Variants in DOCK11 observed in about 807,000 individuals in gnomAD.
DOCK11 encodes dedicator of cytokinesis protein 11.
DOCK11 carries 70 observed loss-of-function variants against 169.1 expected under a neutral mutation model. That is an observed-to-expected ratio of 0.41 (90% CI 0.34 to 0.51). DOCK11 has a LOEUF of 0.51. Among genes scored for constraint, DOCK11 ranks in the 20% least tolerant of loss-of-function variants. The pLI, the probability that DOCK11 is intolerant of heterozygous loss-of-function variation, is 0.10. For synonymous variants in DOCK11, 529 were observed against 541.3 expected (o/e 0.98, Z 0.32); for missense variants, 1,166 against 1,538.8 (o/e 0.76, Z 4.05).
intron 6 of DOCK11, among the ~76,000 whole-genome samples, chrX:118,554,604 A>G (rs1300013471): frequency 1.8e-5 from 2 of 111,637 alleles, no homozygotes; most frequent in Non-Finnish European, 3.8e-5. Context: ...GACACACAAT[A>G]AAAATAATTG....
intron 1 of DOCK11, among the ~76,000 whole-genome samples, chrX:118,511,934 G>A (rs927781684): frequency 3.6e-5 from 4 of 112,291 alleles, no homozygotes; most frequent in Non-Finnish European, 7.5e-5. Flanking sequence ...TATTTTTTGA[G>A]AAGGAGTCTC....
chrX:118,647,418 C>T (rs1433421966), intron 40 of DOCK11, among the ~76,000 whole-genome samples: 1 of 91,253 alleles, frequency 1.1e-5, no homozygotes, highest in Non-Finnish European at 2.1e-5. Context: ...TGTATTATGG[C>T]GGTGCAAAAG....
In DOCK11 at chrX:118,573,852, A is replaced by G. The variant is rs2013359249; in HGVS notation, c.1223A>G (p.Asn408Ser). 1 of 1,210,761 alleles carries G rather than the reference A, an allele frequency of 8.3e-7. No homozygotes were observed. The highest frequency in any genetic ancestry group is 1.1e-6 in the Non-Finnish European group (1 of 895,151). The change falls in exon 12 of 53, where the codon AAT becomes AGT. Residue 408 changes from asparagine (N) to serine (S), a missense_variant. Physicochemically the swap from Asn to Ser is conservative, Grantham distance 46 (BLOSUM62 1). Coordinates refer to ENST00000276202, the MANE Select transcript of DOCK11 (RefSeq NM_144658.4). Reference sequence around the variant, plus strand: ...CTTGCCTTATTTGATGTAAAGAACAATTGTAAGATTTCAGCAGACTTTCAT... The same window carrying G: ...CTTGCCTTATTTGATGTAAAGAACAGTTGTAAGATTTCAGCAGACTTTCAT... ...INLALFDVKN[N>S]CKISADFHVD...
chrX:118,529,108 G>T (rs778682506), intron 1 of DOCK11, among the ~76,000 whole-genome samples: 1 of 109,132 alleles, frequency 9.2e-6, no homozygotes, highest in South Asian at 4.0e-4. Context: ...AGCCTCCCAA[G>T]TAGCTGGGAC....
intron 19 of DOCK11, among the ~76,000 whole-genome samples, chrX:118,591,755 T>C (rs1190396807): frequency 1.2e-5 from 1 of 86,586 alleles, no homozygotes; most frequent in African/African-American, 3.8e-5. Context: ...TAGCATTAGG[T>C]ATATCTCCTA....
At position 118,643,448 on chromosome X, in the gene DOCK11, G is replaced by A; in HGVS notation, c.4261-9G>A. ...TGGGGCATAAACCATATTTTTTAAT[G>A]TTTTATAGACCCAACTTTTAAATAA... On this transcript the variant is annotated splice_polypyrimidine_tract_variant and intron_variant, in intron 39 of 52. Coordinates refer to ENST00000276202, the MANE Select transcript of DOCK11 (RefSeq NM_144658.4). 1.7e-6 allele frequency: 2 copies of A among 1,201,131 alleles called. No individual in the cohort carries two copies. The highest frequency in any genetic ancestry group is 2.2e-6 in the Non-Finnish European group (2 of 890,161).
chrX:118,638,161 C>T (rs2015439618), intron 37 of DOCK11, 34 bp downstream of exon 37: 1 of 1,170,233 alleles, frequency 8.5e-7, no homozygotes, highest in Non-Finnish European at 1.2e-6. Context: ...TCTACTTTTT[C>T]CTTCTCTTCC....
At chrX:118,527,547 C>G (rs1208192667) in intron 1 of DOCK11, among the ~76,000 whole-genome samples, 1 of 111,619 alleles carries the variant, frequency 9.0e-6, no homozygotes, top group East Asian at 2.8e-4. Context: ...CAGTATGAAT[C>G]CATTTTGGAA....
At chrX:118,587,061 T>A (rs1391347870) in intron 16 of DOCK11, among the ~76,000 whole-genome samples, 3 of 112,166 alleles carry the variant, frequency 2.7e-5, no homozygotes, top group Non-Finnish European at 5.6e-5. Flanking sequence ...TCCATAAAGA[T>A]GTTCTTTGCA....
At chrX:118,543,372 A>C (rs2012104817) in intron 3 of DOCK11, 139 bp from the exon 4 acceptor site, 3 of 468,953 alleles carry the variant, frequency 6.4e-6, no homozygotes. Flanking sequence ...AGACACAGTT[A>C]ACCCATAAAG....
chrX:118,650,428 A>G lies in DOCK11; in HGVS notation c.4581+1301A>G, dbSNP rs145159915. Among the ~76,000 whole-genome samples the G allele has an allele frequency of 5.4e-5, 6 of 111,920 alleles. No individual in the cohort carries two copies. The East Asian group carries it at 1.7e-3, about 31-fold the overall frequency. On this transcript the variant is annotated intron_variant, in intron 41 of 52. Transcript: ENST00000276202. ...ATATGGGAAATCCTTGGTCCTATTT[A>G]TATCTTTACTGTCATGGTCTGTCCC...
At position 118,610,408 on chromosome X, in the gene DOCK11, G is replaced by C. The variant is rs1313792392; in HGVS notation, c.3086G>C (p.Ser1029Thr). ...AGAAATGTGAACTATAGTTTGGCTAGCTTCCTGAAGGTGAGTTCAAGGCAG... is the reference window on the plus strand; with the variant it reads ...AGAAATGTGAACTATAGTTTGGCTACCTTCCTGAAGGTGAGTTCAAGGCAG... Reference protein sequence around the residue: ...ESRNVNYSLASFLKRCLTLMD... With the variant: ...ESRNVNYSLATFLKRCLTLMD... Residue 1029 changes from serine (S) to threonine (T), a missense_variant, in exon 28 of 53, where the codon AGC (serine) becomes ACC (threonine). By Grantham distance (58) the Ser-to-Thr change is moderately conservative (BLOSUM62 1). Transcript: ENST00000276202. 8.3e-7 allele frequency: 1 copy of C among 1,210,593 alleles called. No homozygotes were observed. Among genetic ancestry groups the C allele is most frequent in the Non-Finnish European group, 1.1e-6 (1 of 895,126 alleles).
At chrX:118,551,620 C>T (rs2012496114) in intron 6 of DOCK11, among the ~76,000 whole-genome samples, 1 of 110,267 alleles carries the variant, frequency 9.1e-6, no homozygotes, top group Non-Finnish European at 1.9e-5. Flanking sequence ...ATCGCTTGAG[C>T]CTGGGAGGTC....
chrX:118,681,785 A>G lies in DOCK11; in HGVS notation c.5954A>G (p.Asp1985Gly), dbSNP rs1268659482. 2 of 1,196,831 alleles carry G rather than the reference A, an allele frequency of 1.7e-6. No homozygotes were observed. Among genetic ancestry groups the G allele is most frequent in the Non-Finnish European group, 2.3e-6 (2 of 887,596 alleles). ...YPPKKVSELK[D>G]MFRKFIQACS... is the part of the protein sequence containing the mutation. Reference sequence around the variant, plus strand: ...CCTAAGAAAGTGAGTGAGTTGAAAGACATGTTTAGGTAAGTGTTTTATAGT... The same window carrying G: ...CCTAAGAAAGTGAGTGAGTTGAAAGGCATGTTTAGGTAAGTGTTTTATAGT... The change falls in exon 51 of 53, where the codon GAC becomes GGC. Residue 1985 changes from aspartate to glycine, a missense_variant. Coordinates refer to ENST00000276202, the MANE Select transcript of DOCK11 (RefSeq NM_144658.4).
In DOCK11 at chrX:118,610,281, G is replaced by C; in HGVS notation, c.2959G>C (p.Gly987Arg). 2 of 1,211,358 alleles carry C rather than the reference G, an allele frequency of 1.7e-6. No individual in the cohort carries two copies. Among genetic ancestry groups the C allele is most frequent in the Non-Finnish European group, 2.2e-6 (2 of 895,407 alleles). Residue 987 changes from glycine to arginine, a missense_variant, in exon 28 of 53, where the codon GGC becomes CGC. Coordinates refer to ENST00000276202, the MANE Select transcript of DOCK11 (RefSeq NM_144658.4). ...LEENKIKLPRGQRFPETYHHV... is the reference protein window; with the variant it reads ...LEENKIKLPRRQRFPETYHHV... ...GCCTATTTCATTTCAGCTTCCCCGA[G>C]GCCAGAGATTTCCCGAGACATATCA... is the stretch of plus-strand genomic sequence containing the variant.
chrX:118,587,651 GT>G (rs199610605), intron 16 of DOCK11, among the ~76,000 whole-genome samples: 1,283 of 111,643 alleles, frequency 0.011, 20 homozygotes, highest in African/African-American at 0.039. Flanking sequence ...GTAACACATC[GT>G]AAGATCAAAA....
In DOCK11 at chrX:118,544,553, A is replaced by T. The variant is rs187941720; in HGVS notation, c.393-770A>T. On this transcript the variant is annotated intron_variant, in intron 4 of 52. Coordinates refer to ENST00000276202, the MANE Select transcript of DOCK11 (RefSeq NM_144658.4). ...TATATGACAGCCTGGTCCTTGGGAA[A>T]AAAAAAGAAAAAGAAAAAGAAAACA... is the stretch of plus-strand genomic sequence containing the variant. Among the ~76,000 whole-genome samples the T allele has an allele frequency of 7.4e-4, 81 of 109,817 alleles. No homozygotes were observed. In the East Asian group the frequency reaches 0.015, roughly 21 times the overall value.
At chrX:118,569,620 G>T (rs1238834831) in intron 10 of DOCK11, 1 of 111,326 alleles carries the variant, frequency 9.0e-6, no homozygotes, top group Non-Finnish European at 1.9e-5. Flanking sequence ...TTTCCTTAAT[G>T]AAAGTATCAC....
intron 10 of DOCK11, among the ~76,000 whole-genome samples, chrX:118,569,918 T>C (rs766549770): frequency 1.8e-5 from 2 of 112,084 alleles, no homozygotes; most frequent in South Asian, 7.4e-4. Flanking sequence ...CTGACTGTGG[T>C]TGAAACTAAA....
Sources: allele counts gnomAD v4.1 joint callset (sites outside exome capture counted in the v4.1 genomes callset), GRCh38; gene constraint gnomAD v4.1.1; transcripts MANE v1.5; gene names NCBI Gene and HGNC (gene_info 2026-07-23, HGNC 2026-07-21).